The following POGLUT2 variants were observed in gnomAD, a reference collection of about 807,000 sequenced individuals.
POGLUT2 encodes the protein protein O-glucosyltransferase 2.
In POGLUT2, 47 loss-of-function variants were observed where a neutral mutation model predicts 57.6. The ratio of observed to expected loss-of-function variants is 0.82; its 90% CI spans 0.65 to 1.04. POGLUT2 has a LOEUF of 1.04. Among genes scored for constraint, POGLUT2 ranks in the 50% least tolerant of loss-of-function variants. The pLI is 0.00. For synonymous variants in POGLUT2, 200 were observed against 218.8 expected (o/e 0.91, Z 0.76); for missense variants, 565 against 614.8 (o/e 0.92, Z 0.86).
intron 2 of POGLUT2, 36 bp from the exon 3 acceptor site, chr13:102,793,842 C>T (rs371465847): frequency 1.0e-4 from 156 of 1,546,538 alleles, no homozygotes; most frequent in Middle Eastern, 6.7e-4. Flanking sequence ...CAACAGTGAT[C>T]ATTTCACTCA....
At position 102,791,325 on chromosome 13, in the gene POGLUT2, T is replaced by G. The variant is rs775062726; in HGVS notation, c.778A>C (p.Thr260Pro). Reference protein sequence around the residue: ...IHPIFSWCGSTDSKDIVMPTY... With the variant: ...IHPIFSWCGSPDSKDIVMPTY... ...GGCATCACGATATCCTTGGAATCTG[T>G]GGAGCCACACCAGGAAAAGATCGGA... The change falls in exon 5 of 10, where the codon ACA becomes CCA. Residue 260 changes from threonine (T) to proline (P), a missense_variant. Transcript: ENST00000376004. The G allele has an allele frequency of 1.2e-6, 2 of 1,612,440 alleles. No individual in the cohort carries two copies.
intron 9 of POGLUT2, among the ~76,000 whole-genome samples, chr13:102,784,734 G>T (rs1423454856): frequency 2.6e-5 from 4 of 152,140 alleles, no homozygotes; most frequent in Non-Finnish European, 5.9e-5. Context: ...TCCATGGGCT[G>T]TACTACTGTA....
intron 6 of POGLUT2, 102 bp from the exon 7 acceptor site, chr13:102,789,323 C>G: frequency 1.0e-6 from 1 of 975,626 alleles, no homozygotes. Context: ...TCCTCAGACA[C>G]AATTTGGTCA....
chr13:102,793,694 G>A lies in POGLUT2; in HGVS notation c.501C>T (p.Phe167=). 1 of 1,614,162 alleles carries A rather than the reference G, an allele frequency of 6.2e-7. No homozygotes were observed. Reference sequence around the variant, plus strand: ...CAATCTTTTCTGGATCCACAGCAGGGAAATGTGCCAGATCTCTCTGAATCT... The same window carrying A: ...CAATCTTTTCTGGATCCACAGCAGGAAAATGTGCCAGATCTCTCTGAATCT... The part of the protein sequence containing the change: ...IAQIQRDLAH[F]PAVDPEKIAV... The change falls in exon 3 of 10, where the codon TTC becomes TTT. Residue 167 remains phenylalanine, a synonymous_variant. Coordinates refer to ENST00000376004, the MANE Select transcript of POGLUT2 (RefSeq NM_024089.3).
intron 8 of POGLUT2, 95 bp downstream of exon 8, chr13:102,787,739 A>G: frequency 1.7e-6 from 1 of 591,568 alleles, no homozygotes; most frequent in Non-Finnish European, 2.9e-6. Context: ...ATCTCCCTAT[A>G]GTAACATATG....
At chr13:102,791,817 T>C (rs542379452) in intron 4 of POGLUT2, among the ~76,000 whole-genome samples, 1 of 152,326 alleles carries the variant, frequency 6.6e-6, no homozygotes, top group East Asian at 1.9e-4. Flanking sequence ...GGACCAGGAT[T>C]TGAACTCAGG....
At chr13:102,798,436 G>A in intron 1 of POGLUT2, 53 bp downstream of exon 1, 1 of 1,473,658 alleles carries the variant, frequency 6.8e-7, no homozygotes, top group Non-Finnish European at 9.1e-7. Context: ...CTTAAAGGGA[G>A]AAACAGATTT....
chr13:102,791,293 G>A lies in POGLUT2; in HGVS notation c.810C>T (p.Tyr270=), dbSNP rs1402881954. The A allele has an allele frequency of 7.5e-6, 12 of 1,609,688 alleles. No homozygotes were observed. Among genetic ancestry groups the A allele is most frequent in the South Asian group, 2.2e-5 (2 of 90,136 alleles). ...TTTCCAGAACAGAATCAGTCAAATC[G>A]TACGTAGGCATCACGATATCCTTGG... ...TDSKDIVMPT[Y]DLTDSVLETM... is the part of the protein sequence containing the mutation. The change falls in exon 5 of 10, where the codon TAC becomes TAT. Residue 270 remains tyrosine (Y), a synonymous_variant. Transcript: ENST00000376004.
At chr13:102,788,892 T>C in intron 7 of POGLUT2, 120 bp downstream of exon 7, 1 of 874,314 alleles carries the variant, frequency 1.1e-6, no homozygotes, top group African/African-American at 1.7e-5. Context: ...CAGCTTCCCA[T>C]TTACAGGCCA....
chr13:102,787,254 C>A (rs1247537866), intron 8 of POGLUT2, among the ~76,000 whole-genome samples: 1 of 152,076 alleles, frequency 6.6e-6, no homozygotes, highest in African/African-American at 2.4e-5. Context: ...ACCATGTTGG[C>A]CAGGCTGGTA....
chr13:102,798,351 T>C (rs1200105543), intron 1 of POGLUT2, 138 bp downstream of exon 1: 2 of 697,076 alleles, frequency 2.9e-6, no homozygotes. Context: ...TTTCTACAGC[T>C]ACAGAGAAAA....
Position 102,798,815 on chromosome 13 carries a change from A to G in POGLUT2, c.-145T>C. The G allele has an allele frequency of 1.2e-6, 1 of 827,828 alleles. No homozygotes were observed. The highest frequency in any genetic ancestry group is 1.8e-6 in the Non-Finnish European group (1 of 560,158). The allele number at this position is 827,828 out of a possible 1,614,324, so 51.3% of individuals were successfully genotyped here. ...AAGGTTGCCGCCCGGCGTGCAGGGC[A>G]GGCGCGCGGGTCTCCGCGACCCCAG... On this transcript the variant is annotated 5_prime_UTR_variant, in exon 1 of 10. Coordinates refer to ENST00000376004, the MANE Select transcript of POGLUT2 (RefSeq NM_024089.3).
In POGLUT2 at chr13:102,789,142, A is replaced by G; in HGVS notation, c.1163T>C (p.Leu388Pro). 2 of 1,614,190 alleles carry G rather than the reference A, an allele frequency of 1.2e-6. No homozygotes were observed. Among genetic ancestry groups the G allele is most frequent in the Non-Finnish European group, 1.7e-6 (2 of 1,180,012 alleles). Residue 388 changes from leucine to proline, a missense_variant, in exon 7 of 10, where the codon CTG becomes CCG. By Grantham distance (98) the Leu-to-Pro change is moderately conservative. Coordinates refer to ENST00000376004, the MANE Select transcript of POGLUT2 (RefSeq NM_024089.3). Reference sequence around the variant, plus strand: ...TTCATAGTAGATGGAATCCTGCTTCAGCACAACACTGTCACCAACTAGCAA... The same window carrying G: ...TTCATAGTAGATGGAATCCTGCTTCGGCACAACACTGTCACCAACTAGCAA... ...PYLLVGDSVVLKQDSIYYEHF... is the reference protein window; with the variant it reads ...PYLLVGDSVVPKQDSIYYEHF...
Position 102,798,560 on chromosome 13 carries a change from G to T in POGLUT2, c.111C>A (p.Pro37=). The part of the protein sequence containing the change: ...LSPEKSEIWG[P]GLKADVVLPA... ...GAAGGACGACGTCTGCTTTTAGCCC[G>T]GGTCCCCATATTTCGCTCTTCTCCG... Residue 37 remains proline (P), a synonymous_variant, in exon 1 of 10, where the codon CCC becomes CCA. Coordinates refer to ENST00000376004, the MANE Select transcript of POGLUT2 (RefSeq NM_024089.3). 3 of 1,613,082 alleles carry T rather than the reference G, an allele frequency of 1.9e-6. No individual in the cohort carries two copies. The highest frequency in any genetic ancestry group is 2.5e-6 in the Non-Finnish European group (3 of 1,179,540).
At chr13:102,792,641 G>A (rs538098655) in intron 4 of POGLUT2, among the ~76,000 whole-genome samples, 1 of 152,282 alleles carries the variant, frequency 6.6e-6, no homozygotes, top group East Asian at 1.9e-4. Flanking sequence ...AGACATGAGG[G>A]GAGAAGCCCA....
intron 1 of POGLUT2, 139 bp downstream of exon 1, chr13:102,798,350 C>G (rs905941747): frequency 2.9e-6 from 2 of 685,862 alleles, no homozygotes; most frequent in South Asian, 4.5e-5. Context: ...ATTTCTACAG[C>G]TACAGAGAAA....
chr13:102,786,110 T>C (rs1196985352), intron 9 of POGLUT2, 122 bp downstream of exon 9: 1 of 673,952 alleles, frequency 1.5e-6, no homozygotes, highest in African/African-American at 1.8e-5. Flanking sequence ...ACTGAATTGC[T>C]TGGAGACCTC....
In POGLUT2 at chr13:102,791,329, G is replaced by A. The variant is rs1268142357; in HGVS notation, c.774C>T (p.Gly258=). ...SNIHPIFSWC[G]STDSKDIVMP... ...TCACGATATCCTTGGAATCTGTGGA[G>A]CCACACCAGGAAAAGATCGGATGGA... Residue 258 remains glycine, a synonymous_variant, in exon 5 of 10, where the codon GGC becomes GGT. Coordinates refer to ENST00000376004, the MANE Select transcript of POGLUT2 (RefSeq NM_024089.3). 3 of 1,612,614 alleles carry A rather than the reference G, an allele frequency of 1.9e-6. No individual in the cohort carries two copies. Among genetic ancestry groups the A allele is most frequent in the South Asian group, 2.2e-5 (2 of 90,652 alleles).
At chr13:102,793,892 A>C in intron 2 of POGLUT2, 86 bp from the exon 3 acceptor site, 2 of 1,222,006 alleles carry the variant, frequency 1.6e-6, no homozygotes, top group Non-Finnish European at 1.2e-6. Flanking sequence ...ATGTGGCTTC[A>C]TGAATTTTGC....
Sources: gnomAD v4.1 joint callset for allele counts (sites outside exome capture counted in the v4.1 genomes callset) on GRCh38, gnomAD v4.1.1 for gene constraint, MANE v1.5 for transcripts, NCBI Gene and HGNC (gene_info 2026-07-23, HGNC 2026-07-21) for gene names.